The following ANKRD31 variants were observed in gnomAD, a reference collection of about 807,000 sequenced individuals.
The protein encoded by ANKRD31 is ankyrin repeat domain-containing protein 31.
In ANKRD31, 147 loss-of-function variants were observed where a neutral mutation model predicts 186.0. That is an observed-to-expected ratio of 0.79 (90% confidence interval 0.69 to 0.91). The LOEUF is 0.91. Ranked by LOEUF, ANKRD31 falls within the 40% of genes least tolerant of loss-of-function variation. The pLI, the probability that ANKRD31 is intolerant of heterozygous loss-of-function variation, is 0.00. For missense variants in ANKRD31, 1,986 were observed against 2,148.8 expected, an observed-to-expected ratio of 0.92 and a Z score of 1.50; for synonymous variants, 673 against 736.4, an observed-to-expected ratio of 0.91 and a Z score of 1.39.
chr5:75,133,183 G>A (rs544983516), intron 17 of ANKRD31, among the ~76,000 whole-genome samples: 1 of 152,264 alleles, frequency 6.6e-6, no homozygotes, highest in South Asian at 2.1e-4. Flanking sequence ...AAATGTAAAT[G>A]AGCTAACTGC....
intron 22 of ANKRD31, among the ~76,000 whole-genome samples, chr5:75,102,201 C>T (rs1004842080): frequency 6.6e-6 from 1 of 152,200 alleles, no homozygotes; most frequent in African/African-American, 2.4e-5. Flanking sequence ...AGGTCCACTC[C>T]AGATCCTGTT....
chr5:75,192,176 T>C (rs1007130167), intron 9 of ANKRD31, among the ~76,000 whole-genome samples: 4 of 152,274 alleles, frequency 2.6e-5, no homozygotes, highest in African/African-American at 9.6e-5. Flanking sequence ...ACAATATTAT[T>C]TTTTCATCTA....
rs1757468518 is a variant in ANKRD31 at position 75,224,129 on chromosome 5, T to TTATTTA, written c.179-1772_179-1771insTAAATA. Among the ~76,000 whole-genome samples, 121 of 105,760 alleles carry TTATTTA rather than the reference T, an allele frequency of 1.1e-3. 3 individuals carry two copies. The highest frequency in any genetic ancestry group is 2.2e-3 in the African/African-American group (56 of 25,170). The allele number at this position is 105,760 out of a possible 152,430, so 69.4% of individuals were successfully genotyped here. A position where few individuals can be genotyped will look rare whatever the true frequency, so the allele number is the denominator to read the frequency against. Reference sequence around the variant, plus strand: ...AAAGGAAGAGATCTCTCAGAAATAATTATATATATATATATATATATATAT... The same window carrying TTATTTA: ...AAAGGAAGAGATCTCTCAGAAATAATTATTTATATATATATATATATATATATATAT... On this transcript the variant is annotated intron_variant, in intron 2 of 25. Coordinates refer to ENST00000506364, the MANE Select transcript of ANKRD31 (RefSeq NM_001372053.1).
rs1237433236 is a variant in ANKRD31 at position 75,222,289 on chromosome 5, T to A, written c.248A>T (p.Asn83Ile). ...REDLQEQMNK[N>I]KMMPVLSEDT... Reference sequence around the variant, plus strand: ...CTCGCTAAGAACAGGCATCATCTTATTTTTATTCATTTGCTCTTGCAGATC... The same window carrying A: ...CTCGCTAAGAACAGGCATCATCTTAATTTTATTCATTTGCTCTTGCAGATC... Residue 83 changes from asparagine to isoleucine, a missense_variant, in exon 3 of 26, where the codon AAT becomes ATT. Asn to Ile is a moderately radical substitution (Grantham distance 149). Coordinates refer to ENST00000506364, the MANE Select transcript of ANKRD31 (RefSeq NM_001372053.1). 1 of 1,536,910 alleles carries A rather than the reference T, an allele frequency of 6.5e-7. No homozygotes were observed. The highest frequency in any genetic ancestry group is 2.4e-5 in the East Asian group (1 of 40,866).
At chr5:75,180,122 T>C (rs1373940719) in intron 10 of ANKRD31, among the ~76,000 whole-genome samples, 1 of 152,064 alleles carries the variant, frequency 6.6e-6, no homozygotes, top group Non-Finnish European at 1.5e-5. Flanking sequence ...ATGAGTGAAC[T>C]CCCATTCAAA....
Position 75,104,550 on chromosome 5 carries a change from T to A in ANKRD31, c.5009A>T (p.Tyr1670Phe). The change falls in exon 22 of 26, where the codon TAT (tyrosine) becomes TTT (phenylalanine). Residue 1670 changes from tyrosine to phenylalanine, a missense_variant. Tyr to Phe is a conservative substitution (Grantham distance 22). Transcript: ENST00000506364. ...NIICDQDLSN[Y>F]DPKRGNRKTS... ...TTTTCTGTTTCCTCTTTTGGGATCATAATTGGAAAGGTCCTGATCACAAAT... is the reference window on the plus strand; with the variant it reads ...TTTTCTGTTTCCTCTTTTGGGATCAAAATTGGAAAGGTCCTGATCACAAAT... 6.5e-7 allele frequency: 1 copy of A among 1,536,866 alleles called. No individual in the cohort carries two copies. Among genetic ancestry groups the A allele is most frequent in the Non-Finnish European group, 8.7e-7 (1 of 1,146,752 alleles).
chr5:75,172,440 A>G (rs2150195750), intron 10 of ANKRD31, among the ~76,000 whole-genome samples: 1 of 152,148 alleles, frequency 6.6e-6, no homozygotes, highest in Middle Eastern at 3.4e-3. Flanking sequence ...AAAATCAATG[A>G]ATCCAGGAGC....
intron 5 of ANKRD31, among the ~76,000 whole-genome samples, chr5:75,203,961 A>G (rs995609356): frequency 1.3e-5 from 2 of 152,140 alleles, no homozygotes; most frequent in African/African-American, 4.8e-5. Context: ...TATTTATTAA[A>G]CTTTTTTAAA....
intron 10 of ANKRD31, among the ~76,000 whole-genome samples, chr5:75,171,530 T>C (rs956048363): frequency 1.3e-5 from 2 of 151,586 alleles, no homozygotes; most frequent in African/African-American, 4.8e-5. Context: ...ACAAAATCAG[T>C]GACCTCATTT....
chr5:75,210,924 TA>T lies in ANKRD31; in HGVS notation c.289-60del, dbSNP rs1554093501. The T allele has an allele frequency of 1.5e-5, 17 of 1,140,604 alleles. No individual in the cohort carries two copies. The Admixed American group carries it at 1.5e-4, about 10-fold the overall frequency. 70.7% of individuals were successfully genotyped at this position (1,140,604 alleles called of 1,614,324 possible). On this transcript the variant is annotated intron_variant, in intron 3 of 25. Coordinates refer to ENST00000506364, the MANE Select transcript of ANKRD31 (RefSeq NM_001372053.1). The stretch of plus-strand genomic sequence containing the variant: ...TAAGTGTTAATTCAATGCAACAAGC[TA>T]AAAAAATTAACATTTAAAGTAATTT...
intron 3 of ANKRD31, among the ~76,000 whole-genome samples, chr5:75,214,588 T>C (rs911065526): frequency 1.3e-5 from 2 of 152,226 alleles, no homozygotes; most frequent in African/African-American, 4.8e-5. Flanking sequence ...TTGCCAGCCC[T>C]GATCCTTCTT....
chr5:75,075,774 T>G (rs1267421564), intron 25 of ANKRD31, among the ~76,000 whole-genome samples: 2 of 152,136 alleles, frequency 1.3e-5, no homozygotes, highest in African/African-American at 4.8e-5. Context: ...GACAGTAATG[T>G]TGAGGGGAGG....
At chr5:75,093,052 G>A (rs999185497) in intron 22 of ANKRD31, among the ~76,000 whole-genome samples, 2 of 152,108 alleles carry the variant, frequency 1.3e-5, no homozygotes, top group South Asian at 2.1e-4. Flanking sequence ...TACAGAGTAT[G>A]CAAGACAAAG....
intron 16 of ANKRD31, among the ~76,000 whole-genome samples, chr5:75,138,320 T>C (rs573281168): frequency 2.4e-4 from 36 of 152,338 alleles, no homozygotes; most frequent in African/African-American, 8.7e-4. Context: ...GACTTTCCTA[T>C]GTGTATCTTT....
intron 2 of ANKRD31, among the ~76,000 whole-genome samples, chr5:75,224,832 A>G (rs957534502): frequency 3.3e-5 from 5 of 152,258 alleles, no homozygotes; most frequent in African/African-American, 9.6e-5. Flanking sequence ...AAAATATATC[A>G]TGAATAATAT....
chr5:75,145,965 G>C, intron 14 of ANKRD31, 22 bp downstream of exon 14: 1 of 1,419,416 alleles, frequency 7.0e-7, no homozygotes, highest in Non-Finnish European at 9.2e-7. Context: ...AATATGTACA[G>C]ATTAAGCAAT....
intron 3 of ANKRD31, among the ~76,000 whole-genome samples, chr5:75,213,516 T>C (rs995842545): frequency 6.6e-6 from 1 of 151,912 alleles, no homozygotes; most frequent in Non-Finnish European, 1.5e-5. Context: ...GCTAATGCCA[T>C]TGAATACAAG....
chr5:75,175,485 C>T (rs957309200), intron 10 of ANKRD31, among the ~76,000 whole-genome samples: 2 of 151,948 alleles, frequency 1.3e-5, no homozygotes, highest in African/African-American at 4.8e-5. Flanking sequence ...AGAGGCAAAA[C>T]TAATATAGAG....
intron 3 of ANKRD31, among the ~76,000 whole-genome samples, chr5:75,212,064 A>T (rs1756684729): frequency 6.6e-6 from 1 of 152,122 alleles, no homozygotes; most frequent in South Asian, 2.1e-4. Context: ...ATCCAATGTC[A>T]CGATACTCTT....
Sources: gnomAD v4.1 joint callset for allele counts (sites outside exome capture counted in the v4.1 genomes callset) on GRCh38, gnomAD v4.1.1 for gene constraint, MANE v1.5 for transcripts, NCBI Gene and HGNC (gene_info 2026-07-23, HGNC 2026-07-21) for gene names.